POLK: variants seen among roughly 807,000 people sequenced by gnomAD.
The protein encoded by POLK is DNA polymerase kappa.
Under a neutral mutation model 94.0 loss-of-function variants are expected in POLK, and 76 were observed. That is an observed-to-expected ratio of 0.81 (90% CI 0.67 to 0.98). POLK has a LOEUF of 0.98. Ranked by LOEUF, POLK falls within the 50% of genes least tolerant of loss-of-function variation. The pLI is 0.00. For synonymous variants in POLK, 349 were observed against 325.4 expected, an observed-to-expected ratio of 1.07 and a Z score of -0.78; for missense variants, 954 against 1,010.1, an observed-to-expected ratio of 0.94 and a Z score of 0.75.
chr5:75,554,909 T>A (rs564204288), intron 3 of POLK, among the ~76,000 whole-genome samples: 2 of 152,230 alleles, frequency 1.3e-5, no homozygotes, highest in Non-Finnish European at 2.9e-5. Flanking sequence ...CTATCATTGG[T>A]GAGCATATAG....
chr5:75,540,317 A>C (rs1387215223), intron 1 of POLK, among the ~76,000 whole-genome samples: 1 of 149,440 alleles, frequency 6.7e-6, no homozygotes. Context: ...AGGCTTCATC[A>C]CCCTGTCTCT....
exon 13 of POLK, chr5:75,596,394 C>A (rs1581109938): frequency 2.5e-6 from 4 of 1,613,710 alleles, no homozygotes; most frequent in Non-Finnish European, 3.4e-6. Context: ...AGAAGAGTTT[C>A]TTTGATAAAA....
intron 3 of POLK, among the ~76,000 whole-genome samples, chr5:75,559,516 TTG>T (rs1770850011): frequency 7.0e-6 from 1 of 142,616 alleles, no homozygotes; most frequent in African/African-American, 2.7e-5. Context: ...TTTTTTTGTT[TTG>T]TTTTGTTTTT....
chr5:75,576,024 A>G (rs1399165295), intron 5 of POLK, among the ~76,000 whole-genome samples: 1 of 152,176 alleles, frequency 6.6e-6, no homozygotes, highest in Non-Finnish European at 1.5e-5. Context: ...GTGGTTAGAA[A>G]AAAAAGTCAT....
downstream of POLK, among the ~76,000 whole-genome samples, chr5:75,605,118 TACACACACACACACAC>T (rs3842052): frequency 4.1e-5 from 6 of 146,740 alleles, no homozygotes; most frequent in South Asian, 2.2e-4. Context: ...TGTATACACA[TACACACACACACACAC>T]ACACACACAC....
At chr5:75,511,784 G>A (rs1019571240) in exon 1 of POLK, 2 of 1,551,570 alleles carry the variant, frequency 1.3e-6, no homozygotes, top group African/African-American at 1.4e-5. Flanking sequence ...GTGACGACGG[G>A]TAGAAAAGCA....
chr5:75,541,931 T>A (rs1769762748), intron 1 of POLK, among the ~76,000 whole-genome samples: 1 of 152,216 alleles, frequency 6.6e-6, no homozygotes, highest in Non-Finnish European at 1.5e-5. Flanking sequence ...TTCTTGAAAT[T>A]TCAAAAAGTA....
intron 1 of POLK, among the ~76,000 whole-genome samples, chr5:75,524,245 T>C (rs1241122147): frequency 3.3e-5 from 5 of 152,206 alleles, no homozygotes; most frequent in Admixed American, 6.5e-5. Context: ...CTCTGTACTT[T>C]GAAGGTAGGG....
At chr5:75,513,806 G>A (rs1411675615) in intron 1 of POLK, among the ~76,000 whole-genome samples, 1 of 151,980 alleles carries the variant, frequency 6.6e-6, no homozygotes, top group African/African-American at 2.4e-5. Flanking sequence ...CCCACTCTTG[G>A]CATGTACACA....
chr5:75,592,229 G>T (rs1053065907), intron 11 of POLK, among the ~76,000 whole-genome samples: 2 of 152,152 alleles, frequency 1.3e-5, no homozygotes, highest in African/African-American at 4.8e-5. Flanking sequence ...ACATTAAATT[G>T]TTTGGCATAG....
chr5:75,542,416 G>A (rs1289189881), intron 1 of POLK, among the ~76,000 whole-genome samples: 1 of 151,394 alleles, frequency 6.6e-6, no homozygotes, highest in East Asian at 1.9e-4. Context: ...ATTAATTCCA[G>A]GTGACTTTGA....
rs200411407 is a variant in POLK, at chr5:75,531,791, C to CAA, written c.-13-15209_-13-15208dup. Among the ~76,000 whole-genome samples, 17 of 141,568 alleles carry CAA rather than the reference C, an allele frequency of 1.2e-4. No homozygotes were observed. In the East Asian group the frequency reaches 1.8e-3, roughly 15 times the overall value. The allele number at this position is 141,568 out of a possible 152,430, so 92.9% of individuals were successfully genotyped here. A position where few individuals can be genotyped will look rare whatever the true frequency, so the allele number is the denominator to read the frequency against. ...TGGGTGACAGAGCAAGACTCTGTCT[C>CAA]AAAAAAAAAAATAAGAAAGTAAGCT... is the stretch of plus-strand genomic sequence containing the variant. On this transcript the variant is annotated intron_variant, in intron 1 of 14. Transcript: ENST00000241436.
At chr5:75,592,612 T>A (rs185941878) in intron 11 of POLK, among the ~76,000 whole-genome samples, 1 of 151,966 alleles carries the variant, frequency 6.6e-6, no homozygotes, top group Non-Finnish European at 1.5e-5. Context: ...GGAGAATCAC[T>A]TGAACCTGGG....
At chr5:75,596,228 G>T in exon 13 of POLK, 1 of 1,559,902 alleles carries the variant, frequency 6.4e-7, no homozygotes, top group South Asian at 1.2e-5. Flanking sequence ...TTAGGTGTTC[G>T]GATATCTAGT....
the POLK span, among the ~76,000 whole-genome samples, chr5:75,608,436 C>T: frequency 6.6e-6 from 1 of 152,178 alleles, no homozygotes; most frequent in Non-Finnish European, 1.5e-5. Context: ...CTCAAGCCAT[C>T]CTCCCACTTC....
At chr5:75,540,821 C>G (rs534463094) in intron 1 of POLK, among the ~76,000 whole-genome samples, 1 of 152,234 alleles carries the variant, frequency 6.6e-6, no homozygotes, top group East Asian at 1.9e-4. Context: ...AACTCCCAGC[C>G]TATCTCCTTC....
At chr5:75,545,052 G>C (rs573456803) in intron 1 of POLK, among the ~76,000 whole-genome samples, 41 of 152,240 alleles carry the variant, frequency 2.7e-4, no homozygotes, top group African/African-American at 9.9e-4. Context: ...GATTTATTTG[G>C]TATGGGAGGA....
chr5:75,608,421 C>T, the POLK span, among the ~76,000 whole-genome samples: 1 of 152,200 alleles, frequency 6.6e-6, no homozygotes, highest in East Asian at 1.9e-4. Flanking sequence ...CCTCAAACTC[C>T]TGGCCTCAAG....
chr5:75,603,241 T>C (rs1773337686), downstream of POLK, among the ~76,000 whole-genome samples: 2 of 152,214 alleles, frequency 1.3e-5, no homozygotes, highest in Admixed American at 6.5e-5. Flanking sequence ...CTGAATTCTG[T>C]CTACTCTTGT....
Sources: allele counts gnomAD v4.1 joint callset (sites outside exome capture counted in the v4.1 genomes callset), GRCh38; gene constraint gnomAD v4.1.1; transcripts MANE v1.5; gene names NCBI Gene and HGNC (gene_info 2026-07-23, HGNC 2026-07-21).